The following SMOC1 variants were observed in gnomAD, a reference collection of about 807,000 sequenced individuals.
SMOC1 encodes SPARC-related modular calcium-binding protein 1.
SMOC1 carries 22 observed loss-of-function variants against 56.3 expected under a neutral mutation model. The ratio of observed to expected loss-of-function variants is 0.39; its 90% CI spans 0.28 to 0.56. The LOEUF (loss-of-function observed/expected upper bound fraction) is 0.56. Among genes scored for constraint, SMOC1 ranks in the 20% least tolerant of loss-of-function variants. The pLI is 0.61. For missense variants in SMOC1, 509 were observed against 565.4 expected, an observed-to-expected ratio of 0.90 and a Z score of 1.01; for synonymous variants, 193 against 215.0, an observed-to-expected ratio of 0.90 and a Z score of 0.89.
In SMOC1 at chr14:70,030,310, A is replaced by C; in HGVS notation, c.*52A>C. 6.2e-7 allele frequency: 1 copy of C among 1,610,108 alleles called. No homozygotes were observed. Among genetic ancestry groups the C allele is most frequent in the Non-Finnish European group, 8.5e-7 (1 of 1,178,094 alleles). On this transcript the variant is annotated 3_prime_UTR_variant, in exon 12 of 12. Coordinates refer to ENST00000361956, the MANE Select transcript of SMOC1 (RefSeq NM_001034852.3). The stretch of plus-strand genomic sequence containing the variant: ...AGAGTCCAGGGAGGCAGGATGGATC[A>C]CCAGACACCTAACCTTCAGCGTTGC...
chr14:69,981,184 G>A (rs1051515478), intron 5 of SMOC1, among the ~76,000 whole-genome samples: 1 of 151,896 alleles, frequency 6.6e-6, no homozygotes, highest in African/African-American at 2.4e-5. Flanking sequence ...AGTGGCTGTG[G>A]CTCCTGGATC....
chr14:69,920,180 CA>C (rs1240780846), intron 1 of SMOC1, among the ~76,000 whole-genome samples: 2 of 152,166 alleles, frequency 1.3e-5, no homozygotes, highest in Admixed American at 6.5e-5. Flanking sequence ...CAATGAAGCC[CA>C]AAAGCTTAGA....
intron 1 of SMOC1, among the ~76,000 whole-genome samples, chr14:69,884,314 A>C (rs946007037): frequency 2.0e-5 from 3 of 151,796 alleles, no homozygotes; most frequent in Non-Finnish European, 4.4e-5. Context: ...TTTTTTTGCT[A>C]TTAAGTGATT....
chr14:69,891,235 A>ATC, intron 1 of SMOC1, among the ~76,000 whole-genome samples: 1 of 152,020 alleles, frequency 6.6e-6, no homozygotes, highest in East Asian at 1.9e-4. Flanking sequence ...AGCTCAGGTT[A>ATC]ATTGTTAAGT....
intron 9 of SMOC1, among the ~76,000 whole-genome samples, chr14:70,012,273 T>C (rs560453517): frequency 6.6e-6 from 1 of 152,302 alleles, no homozygotes; most frequent in South Asian, 2.1e-4. Flanking sequence ...AATCACCCCA[T>C]CACAAGAATG....
At chr14:69,997,061 T>A (rs1884792950) in intron 7 of SMOC1, among the ~76,000 whole-genome samples, 2 of 152,252 alleles carry the variant, frequency 1.3e-5, no homozygotes, top group African/African-American at 2.4e-5. Context: ...ATATTTATTA[T>A]CTGACCCTTT....
chr14:70,022,731 G>C (rs1566714712), intron 10 of SMOC1, among the ~76,000 whole-genome samples: 2 of 152,210 alleles, frequency 1.3e-5, no homozygotes, highest in Admixed American at 6.5e-5. Context: ...GCACCCTCCA[G>C]GGCCCAGACT....
chr14:69,972,970 C>G (rs1030823086), intron 3 of SMOC1, among the ~76,000 whole-genome samples: 9 of 152,320 alleles, frequency 5.9e-5, no homozygotes, highest in Admixed American at 3.9e-4. Flanking sequence ...AGACAGAGGC[C>G]TACCTTGGCC....
intron 1 of SMOC1, among the ~76,000 whole-genome samples, chr14:69,913,631 G>A (rs568572575): frequency 6.6e-6 from 1 of 152,324 alleles, no homozygotes; most frequent in African/African-American, 2.4e-5. Flanking sequence ...AGGCCCTGCA[G>A]TTGGTGGGGT....
intron 1 of SMOC1, among the ~76,000 whole-genome samples, chr14:69,949,032 G>T (rs560128940): frequency 6.6e-6 from 1 of 152,198 alleles, no homozygotes; most frequent in Non-Finnish European, 1.5e-5. Flanking sequence ...TGTTGACCAA[G>T]CACCTACTCT....
chr14:69,953,568 G>T (rs772475580), intron 3 of SMOC1, 36 bp downstream of exon 3: 5 of 1,581,206 alleles, frequency 3.2e-6, no homozygotes, highest in East Asian at 2.2e-5. Flanking sequence ...GCTCTTTCCT[G>T]GACCGAGGCA....
intron 4 of SMOC1, among the ~76,000 whole-genome samples, chr14:69,976,153 T>G (rs559777939): frequency 6.6e-6 from 1 of 152,210 alleles, no homozygotes; most frequent in Non-Finnish European, 1.5e-5. Flanking sequence ...AGTGCTTTAT[T>G]GAGTTGGATT....
intron 3 of SMOC1, among the ~76,000 whole-genome samples, chr14:69,969,997 G>A (rs1445601779): frequency 6.6e-6 from 1 of 152,070 alleles, no homozygotes; most frequent in Non-Finnish European, 1.5e-5. Flanking sequence ...GAAAGCAAGG[G>A]TGATTGGTAG....
intron 1 of SMOC1, among the ~76,000 whole-genome samples, chr14:69,926,260 G>T (rs902911025): frequency 6.6e-6 from 1 of 152,160 alleles, no homozygotes; most frequent in African/African-American, 2.4e-5. Context: ...ATTGTGTTCC[G>T]ATTTTGGCAA....
chr14:69,978,400 A>T (rs1884050603), intron 5 of SMOC1, among the ~76,000 whole-genome samples: 1 of 152,180 alleles, frequency 6.6e-6, no homozygotes, highest in Non-Finnish European at 1.5e-5. Flanking sequence ...TAATTGTCCC[A>T]GCACATCCAG....
chr14:69,910,256 G>C (rs908420818), intron 1 of SMOC1, among the ~76,000 whole-genome samples: 5 of 152,198 alleles, frequency 3.3e-5, no homozygotes, highest in Admixed American at 6.5e-5. Flanking sequence ...GAGGTGCAGA[G>C]AATTCAAGAA....
intron 10 of SMOC1, among the ~76,000 whole-genome samples, chr14:70,022,800 G>T (rs1211394415): frequency 6.6e-6 from 1 of 152,246 alleles, no homozygotes; most frequent in African/African-American, 2.4e-5. Context: ...CCACCACAGG[G>T]CACATGTTTA....
chr14:69,902,900 G>A (rs76164271), intron 1 of SMOC1, among the ~76,000 whole-genome samples: 3,638 of 152,298 alleles, frequency 0.024, 86 homozygotes, highest in African/African-American at 0.064. Context: ...GATTGCAGAC[G>A]GAGTCTCGTT....
At chr14:69,929,059 G>C (rs180837656) in intron 1 of SMOC1, among the ~76,000 whole-genome samples, 19 of 152,286 alleles carry the variant, frequency 1.2e-4, no homozygotes, top group Admixed American at 7.8e-4. Context: ...AGTCTCCCCG[G>C]GGTTGCAAGC....
Sources: gnomAD v4.1 joint callset for allele counts (sites outside exome capture counted in the v4.1 genomes callset) on GRCh38, gnomAD v4.1.1 for gene constraint, MANE v1.5 for transcripts, NCBI Gene and HGNC (gene_info 2026-07-23, HGNC 2026-07-21) for gene names.